The following NINL variants were observed in gnomAD, a reference collection of about 807,000 sequenced individuals.
The protein encoded by NINL is ninein like.
NINL carries 153 observed loss-of-function variants against 160.3 expected under a neutral mutation model. The observed-to-expected ratio is 0.95, with a 90% CI of 0.84 to 1.09. The LOEUF (loss-of-function observed/expected upper bound fraction) is 1.09, where lower values mean the gene tolerates loss of function less well. Among genes scored for constraint, NINL ranks in the 50% least tolerant of loss-of-function variants. The probability of loss-of-function intolerance (pLI) is 0.00; values close to 1 mark genes in which losing one functional copy is unlikely to be tolerated. For synonymous variants in NINL, 800 were observed against 734.8 expected (o/e 1.09, Z -1.43); for missense variants, 1,829 against 1,764.0 (o/e 1.04, Z -0.66).
Position 25,476,851 on chromosome 20 carries a change from C to G in NINL, c.2440G>C (p.Gly814Arg), listed in dbSNP as rs1172815526. ...LEEEELELAR[G>R]KRVDGPSLEA... is the part of the protein sequence containing the mutation. ...AGGGAGGGCCCGTCCACTCGCTTCC[C>G]GCGGGCAAGCTCCAACTCCTCCTCC... The change falls in exon 17 of 24, where the codon GGG becomes CGG. Residue 814 changes from glycine to arginine, a missense_variant. Coordinates refer to ENST00000278886, the MANE Select transcript of NINL (RefSeq NM_025176.6). 6.2e-7 allele frequency: 1 copy of G among 1,613,412 alleles called. No individual in the cohort carries two copies. The highest frequency in any genetic ancestry group is 8.5e-7 in the Non-Finnish European group (1 of 1,179,926).
At chr20:25,538,869 C>G (rs773937000) in intron 1 of NINL, among the ~76,000 whole-genome samples, 2 of 151,974 alleles carry the variant, frequency 1.3e-5, no homozygotes, top group Non-Finnish European at 2.9e-5. Flanking sequence ...AACACAGGGT[C>G]AGGGAGCACA....
chr20:25,467,095 A>G (rs1601016453), intron 19 of NINL, among the ~76,000 whole-genome samples: 1 of 152,318 alleles, frequency 6.6e-6, no homozygotes, highest in East Asian at 1.9e-4. Flanking sequence ...AGCTGCTCAC[A>G]GTTTCTAGAT....
intron 19 of NINL, among the ~76,000 whole-genome samples, chr20:25,466,576 G>C (rs2146376014): frequency 6.6e-6 from 1 of 152,092 alleles, no homozygotes; most frequent in Admixed American, 6.5e-5. Context: ...AAGGCCAGCG[G>C]ATAGCTTGAG....
At chr20:25,490,040 T>A in intron 11 of NINL, 55 bp from the exon 12 acceptor site, 1 of 1,482,186 alleles carries the variant, frequency 6.7e-7, no homozygotes, top group Non-Finnish European at 9.4e-7. Context: ...AGGGGATGTG[T>A]GCAGGATGGA....
intron 1 of NINL, among the ~76,000 whole-genome samples, chr20:25,574,519 C>T (rs919025782): frequency 3.9e-5 from 6 of 152,190 alleles, no homozygotes; most frequent in African/African-American, 1.2e-4. Flanking sequence ...CACCCTTTAC[C>T]CAGAAAGGGA....
intron 1 of NINL, among the ~76,000 whole-genome samples, chr20:25,545,509 C>T (rs1216530297): frequency 6.6e-6 from 1 of 152,056 alleles, no homozygotes; most frequent in Non-Finnish European, 1.5e-5. Context: ...GCCCTCCTCT[C>T]AGCCAAGGGC....
At chr20:25,486,257 AAAAGG>A (rs1601108502) in intron 13 of NINL, among the ~76,000 whole-genome samples, 1 of 152,276 alleles carries the variant, frequency 6.6e-6, no homozygotes, top group African/African-American at 2.4e-5. Flanking sequence ...AAAATCCAAA[AAAAGG>A]AAAGGGGAAA....
At chr20:25,471,372 A>C (rs557713012) in intron 17 of NINL, among the ~76,000 whole-genome samples, 1 of 152,318 alleles carries the variant, frequency 6.6e-6, no homozygotes, top group South Asian at 2.1e-4. Flanking sequence ...AAAGACAAAA[A>C]TAAATAGTCA....
At chr20:25,575,501 C>T (rs2065105260) in intron 1 of NINL, among the ~76,000 whole-genome samples, 1 of 150,474 alleles carries the variant, frequency 6.6e-6, no homozygotes, top group African/African-American at 2.4e-5. Context: ...GCCTGTAATC[C>T]CAGCACTTTG....
intron 13 of NINL, among the ~76,000 whole-genome samples, chr20:25,482,488 G>A (rs564428220): frequency 2.6e-4 from 39 of 152,148 alleles, no homozygotes; most frequent in Admixed American, 2.0e-4. Flanking sequence ...ACAGGTGTGC[G>A]CCACTACGCC....
At chr20:25,470,741 T>TC (rs1015078942) in intron 17 of NINL, among the ~76,000 whole-genome samples, 1 of 152,060 alleles carries the variant, frequency 6.6e-6, no homozygotes, top group Non-Finnish European at 1.5e-5. Context: ...GCATCTGTAA[T>TC]CCCAGCTACT....
At chr20:25,526,763 G>A (rs1432100000) in intron 1 of NINL, among the ~76,000 whole-genome samples, 165 bp from the exon 2 acceptor site, 2 of 152,220 alleles carry the variant, frequency 1.3e-5, no homozygotes, top group Admixed American at 6.5e-5. Context: ...ACAGTGGGAG[G>A]ACTCAGCTCC....
intron 3 of NINL, among the ~76,000 whole-genome samples, chr20:25,514,812 C>G (rs910426164): frequency 6.6e-6 from 1 of 152,228 alleles, no homozygotes. Context: ...CCAGAGGGTG[C>G]AAGCCATAAG....
Position 25,497,178 on chromosome 20 carries a change from C to A in NINL, c.1170-375G>T, listed in dbSNP as rs192533344. 7.2e-3 allele frequency among the ~76,000 whole-genome samples: 1,093 copies of A among 152,334 alleles called. 7 individuals carry two copies. The highest frequency in any genetic ancestry group is 0.027 in the Middle Eastern group (8 of 294). On this transcript the variant is annotated intron_variant, in intron 9 of 23. Transcript: ENST00000278886. Reference sequence around the variant, plus strand: ...GGATCGCAAGTACCTAATTCAGTAACGGGCATGTGGCGGGGAGGATGGCCA... The same window carrying A: ...GGATCGCAAGTACCTAATTCAGTAAAGGGCATGTGGCGGGGAGGATGGCCA...
chr20:25,477,660 T>C (rs775653586), intron 16 of NINL, among the ~76,000 whole-genome samples: 11 of 152,114 alleles, frequency 7.2e-5, no homozygotes, highest in Non-Finnish European at 1.3e-4. Flanking sequence ...AAGGAAGTGG[T>C]TGGAGGGCCT....
intron 10 of NINL, among the ~76,000 whole-genome samples, chr20:25,493,796 C>G (rs539317816): frequency 1.6e-3 from 249 of 152,170 alleles, no homozygotes; most frequent in African/African-American, 5.6e-3. Context: ...AAATGCCTTC[C>G]AGGCTCAGGG....
chr20:25,545,231 G>T (rs187899310), intron 1 of NINL, among the ~76,000 whole-genome samples: 6 of 152,180 alleles, frequency 3.9e-5, no homozygotes, highest in Admixed American at 1.3e-4. Flanking sequence ...TACATTTTAC[G>T]TAAGATAAGG....
intron 1 of NINL, among the ~76,000 whole-genome samples, chr20:25,578,792 C>T (rs1159254838): frequency 4.0e-5 from 1 of 24,764 alleles, no homozygotes; most frequent in African/African-American, 1.1e-4. Flanking sequence ...GACTCCATCT[C>T]CAAAAAAAAA....
At chr20:25,569,643 A>G (rs963670294) in intron 1 of NINL, among the ~76,000 whole-genome samples, 1 of 152,172 alleles carries the variant, frequency 6.6e-6, no homozygotes, top group Non-Finnish European at 1.5e-5. Flanking sequence ...GGGTGCAGAT[A>G]TGTTCTGAGC....
Sources: allele counts gnomAD v4.1 joint callset (sites outside exome capture counted in the v4.1 genomes callset), GRCh38; gene constraint gnomAD v4.1.1; transcripts MANE v1.5; gene names NCBI Gene and HGNC (gene_info 2026-07-23, HGNC 2026-07-21).